The following PIWIL1 variants were observed in gnomAD, a reference collection of about 807,000 sequenced individuals.
PIWIL1 encodes the protein piwi like RNA-mediated gene silencing 1, also known as piwi-like protein 1.
In PIWIL1, 73 loss-of-function variants were observed where a neutral mutation model predicts 114.4. The observed-to-expected ratio is 0.64, with a 90% CI of 0.53 to 0.78. The LOEUF (loss-of-function observed/expected upper bound fraction) is 0.78. Ranked by LOEUF, PIWIL1 falls within the 30% of genes least tolerant of loss-of-function variation. The pLI is 0.00. For missense variants in PIWIL1, 723 were observed against 1,063.1 expected, an observed-to-expected ratio of 0.68 and a Z score of 4.45; for synonymous variants, 375 against 369.0, an observed-to-expected ratio of 1.02 and a Z score of -0.19.
At chr12:130,402,816 G>A in the PIWIL1 span, among the ~76,000 whole-genome samples, 7 of 152,236 alleles carry the variant, frequency 4.6e-5, no homozygotes, top group African/African-American at 1.7e-4. Flanking sequence ...CCGTACCTTA[G>A]TACGCCACGT....
chr12:130,420,565 T>G, the PIWIL1 span, among the ~76,000 whole-genome samples: 1 of 152,160 alleles, frequency 6.6e-6, no homozygotes, highest in African/African-American at 2.4e-5. This position sits in a 1 kb window ranked among gnomAD's most constrained non-coding sequence, Gnocchi z 4.3. Flanking sequence ...TAATAAAACT[T>G]TAAAGCTTCT....
the PIWIL1 span, among the ~76,000 whole-genome samples, chr12:130,385,762 G>A: frequency 4.7e-4 from 71 of 152,220 alleles, 1 homozygote; most frequent in Non-Finnish European, 6.3e-4. Flanking sequence ...CTGTGGCTCG[G>A]GGCTTTCTGG....
intron 1 of PIWIL1, chr12:130,339,524 G>C (rs1472963576): frequency 6.6e-6 from 1 of 151,612 alleles, no homozygotes; most frequent in Non-Finnish European, 1.5e-5. Context: ...CTTTGGCAGA[G>C]CTGGTAGCGA....
the PIWIL1 span, chr12:130,424,334 G>A: frequency 3.2e-6 from 4 of 1,231,842 alleles, no homozygotes; most frequent in Non-Finnish European, 4.0e-6. The surrounding 1 kb of genome is among the most constrained non-coding windows in gnomAD (Gnocchi z 9.8). Context: ...GGCCACCAGG[G>A]CCCACCTGCT....
chr12:130,424,549 G>A, the PIWIL1 span: 61 of 1,231,822 alleles, frequency 5.0e-5, no homozygotes, highest in Admixed American at 3.0e-4. The surrounding 1 kb of genome is among the most constrained non-coding windows in gnomAD (Gnocchi z 9.8). Context: ...CGGCTGAACC[G>A]ACAGCCCCTG....
chr12:130,367,034 A>G (rs1444301276), intron 18 of PIWIL1, 99 bp from the exon 19 acceptor site: 1 of 1,358,908 alleles, frequency 7.4e-7, no homozygotes, highest in Non-Finnish European at 1.0e-6. Context: ...CCCAGGAGGG[A>G]TGTGTTCCTT....
chr12:130,354,889 TCTAA>T lies in PIWIL1; in HGVS notation c.1176_1179del (p.Thr393IlefsTer9). Reference sequence around the variant, plus strand: ...TGCCTTTAAATGTCTTATTTAAAGGTCTAACTGATAAAATGCGTAATGATTTTAA... The same window carrying T: ...TGCCTTTAAATGTCTTATTTAAAGGTCTGATAAAATGCGTAATGATTTTAA... On this transcript the variant is annotated frameshift_variant and splice_region_variant, in exon 11 of 21. Coordinates refer to ENST00000245255, the MANE Select transcript of PIWIL1 (RefSeq NM_004764.5). LOFTEE classifies it high-confidence loss of function. 1.2e-6 allele frequency: 2 copies of T among 1,600,804 alleles called. No homozygotes were observed. Among genetic ancestry groups the T allele is most frequent in the Non-Finnish European group, 1.7e-6 (2 of 1,168,132 alleles).
the PIWIL1 span, among the ~76,000 whole-genome samples, chr12:130,410,999 A>G: frequency 6.6e-6 from 1 of 152,166 alleles, no homozygotes; most frequent in Admixed American, 6.5e-5. Context: ...CTGTCCATGT[A>G]TTTAGGTATC....
intron 9 of PIWIL1, among the ~76,000 whole-genome samples, chr12:130,353,349 T>C (rs924290057): frequency 6.7e-6 from 1 of 148,564 alleles, no homozygotes; most frequent in Non-Finnish European, 1.5e-5. Flanking sequence ...AGTGGAGGTG[T>C]GTGGTTTGTT....
At chr12:130,425,088 C>T in the PIWIL1 span, 3 of 378,386 alleles carry the variant, frequency 7.9e-6, no homozygotes, top group Non-Finnish European at 1.4e-5. Flanking sequence ...ACACGCAGAG[C>T]CAGCGGGCCG....
chr12:130,399,567 G>A, the PIWIL1 span: 1 of 1,245,218 alleles, frequency 8.0e-7, no homozygotes, highest in Non-Finnish European at 1.1e-6. Flanking sequence ...AAAAATTCAG[G>A]GTGTATTTAC....
At chr12:130,397,240 T>C in the PIWIL1 span, 1 of 393,504 alleles carries the variant, frequency 2.5e-6, no homozygotes, top group Non-Finnish European at 4.5e-6. Context: ...CAAAAGTGCA[T>C]TTCTCTACTG....
rs774380989 is a variant in PIWIL1, at chr12:130,354,539, A to G, written c.1047A>G (p.Gln349=). 3 of 1,614,118 alleles carry G rather than the reference A, an allele frequency of 1.9e-6. No individual in the cohort carries two copies. Among genetic ancestry groups the G allele is most frequent in the South Asian group, 2.2e-5 (2 of 91,072 alleles). ...EVSFLEYYRK[Q]YNQEITDLKQ... is the part of the protein sequence containing the mutation. The stretch of plus-strand genomic sequence containing the variant: ...CGACCCTTTCGTCTCTTGAGCAGCA[A>G]TACAACCAAGAGATCACCGACTTGA... The change falls in exon 10 of 21, where the codon CAA becomes CAG. Residue 349 remains glutamine (Q), a splice_region_variant and synonymous_variant. Coordinates refer to ENST00000245255, the MANE Select transcript of PIWIL1 (RefSeq NM_004764.5).
exon 21 of PIWIL1, chr12:130,372,597 C>CAAAAAAAAAAAA (rs60262232): frequency 1.6e-4 from 11 of 67,914 alleles, 1 homozygote; most frequent in African/African-American, 6.9e-4. Context: ...GACTCCGTCT[C>CAAAAAAAAAAAA]AAAAAAAAAA....
At chr12:130,402,129 G>T in the PIWIL1 span, among the ~76,000 whole-genome samples, 1 of 152,164 alleles carries the variant, frequency 6.6e-6, no homozygotes, top group Admixed American at 6.5e-5. Context: ...CCCCATGTCT[G>T]ATGCCTCTAC....
At chr12:130,396,858 C>T in the PIWIL1 span, 1 of 152,616 alleles carries the variant, frequency 6.6e-6, no homozygotes, top group Non-Finnish European at 1.5e-5. Flanking sequence ...ATGCACGACA[C>T]ATACAAAGTA....
intron 6 of PIWIL1, 137 bp from the exon 7 acceptor site, chr12:130,347,966 T>TA (rs934908352): frequency 1.7e-6 from 1 of 583,640 alleles, no homozygotes; most frequent in African/African-American, 1.9e-5. Context: ...TCATAGGCCA[T>TA]AAAAAACAGC....
At chr12:130,390,748 C>T in the PIWIL1 span, among the ~76,000 whole-genome samples, 1 of 152,128 alleles carries the variant, frequency 6.6e-6, no homozygotes, top group Non-Finnish European at 1.5e-5. Flanking sequence ...GCTCCTCTTC[C>T]CCTCCCTCCC....
At chr12:130,413,998 C>T in the PIWIL1 span, 14 of 1,003,536 alleles carry the variant, frequency 1.4e-5, no homozygotes, top group African/African-American at 4.8e-5. Context: ...CACCTCCTCC[C>T]GTGCCTCGCC....
Sources: allele counts gnomAD v4.1 joint callset (sites outside exome capture counted in the v4.1 genomes callset), GRCh38; gene constraint gnomAD v4.1.1; non-coding constraint Gnocchi (gnomAD v3.1); transcripts MANE v1.5; gene names NCBI Gene and HGNC (gene_info 2026-07-23, HGNC 2026-07-21).